INTS4: variants seen among roughly 807,000 people sequenced by gnomAD.
INTS4 encodes MSTP093.
INTS4 carries 70 observed loss-of-function variants against 119.5 expected under a neutral mutation model. The ratio of observed to expected loss-of-function variants is 0.59; its 90% CI spans 0.48 to 0.71. INTS4 has a LOEUF of 0.71. INTS4 is among the 30% of genes least tolerant of loss of function. The pLI, the probability that INTS4 is intolerant of heterozygous loss-of-function variation, is 0.00. For synonymous variants in INTS4, 316 were observed against 419.6 expected (o/e 0.75, Z 3.02); for missense variants, 867 against 1,173.2 (o/e 0.74, Z 3.81).
intron 15 of INTS4, among the ~76,000 whole-genome samples, chr11:77,917,495 G>A (rs977824360): frequency 2.0e-5 from 3 of 151,464 alleles, no homozygotes; most frequent in Non-Finnish European, 4.4e-5. Flanking sequence ...TGTATTTTTA[G>A]TAGAGATGGG....
At chr11:77,982,300 T>C (rs1398074057) in intron 2 of INTS4, among the ~76,000 whole-genome samples, 3 of 152,066 alleles carry the variant, frequency 2.0e-5, no homozygotes, top group Non-Finnish European at 4.4e-5. Flanking sequence ...CACACCTGGC[T>C]ACTTTTTTTT....
chr11:77,916,547 G>A (rs2136469545), intron 15 of INTS4, among the ~76,000 whole-genome samples: 1 of 152,298 alleles, frequency 6.6e-6, no homozygotes. Context: ...TAGCTCAGAC[G>A]TTAAACAAAA....
intron 12 of INTS4, among the ~76,000 whole-genome samples, chr11:77,923,058 G>A (rs1953401734): frequency 6.6e-6 from 1 of 152,148 alleles, no homozygotes; most frequent in Non-Finnish European, 1.5e-5. Context: ...GGTGGCTCAC[G>A]CCTATAATCC....
chr11:77,924,520 C>T (rs1953447396), intron 12 of INTS4: 1 of 488,014 alleles, frequency 2.0e-6, no homozygotes, highest in South Asian at 3.3e-5. Context: ...ACAGCAGGCA[C>T]ATAATATTTG....
chr11:77,899,102 G>C (rs777478076), intron 18 of INTS4, among the ~76,000 whole-genome samples: 1 of 152,110 alleles, frequency 6.6e-6, no homozygotes, highest in African/African-American at 2.4e-5. Flanking sequence ...GGAAGAGATA[G>C]GTACTACTAT....
chr11:77,874,758 C>T (rs928282793), downstream of INTS4, among the ~76,000 whole-genome samples: 2 of 152,086 alleles, frequency 1.3e-5, no homozygotes, highest in African/African-American at 2.4e-5. Context: ...AGAAGTTGGC[C>T]GGGTGCGGTG....
At position 77,891,795 on chromosome 11, in the gene INTS4, G is replaced by C; in HGVS notation, c.2334C>G (p.Asp778Glu). Residue 778 changes from aspartate (D) to glutamate (E), a missense_variant, in exon 20 of 23, where the codon GAC becomes GAG. Physicochemically the swap from Asp to Glu is conservative, Grantham distance 45. Around this residue, in one of 5 missense-constraint regions of INTS4, gnomAD observed 262 missense variants for 376.0 expected, o/e 0.70. Coordinates refer to ENST00000534064, the MANE Select transcript of INTS4 (RefSeq NM_033547.4). ...GTCGGGGCATAAGGTCAAGGAGTTT[G>C]TCCACAAAGCTGTCCTGCAAGTGGG... ...DLPHLQDSFV[D>E]KLLDLMPRLM... 6.2e-7 allele frequency: 1 copy of C among 1,611,924 alleles called. No homozygotes were observed. The highest frequency in any genetic ancestry group is 8.5e-7 in the Non-Finnish European group (1 of 1,179,814).
At chr11:77,990,744 T>C (rs1297898961) in intron 2 of INTS4, among the ~76,000 whole-genome samples, 2 of 150,502 alleles carry the variant, frequency 1.3e-5, no homozygotes, top group African/African-American at 2.4e-5. Context: ...TGCAATTAGA[T>C]ATGAGGGCCA....
chr11:77,881,912 T>G (rs945305642), intron 22 of INTS4, among the ~76,000 whole-genome samples: 3 of 138,426 alleles, frequency 2.2e-5, no homozygotes, highest in Non-Finnish European at 4.6e-5. Flanking sequence ...TTTCTGATGG[T>G]TTTTTTTTTT....
intron 10 of INTS4, among the ~76,000 whole-genome samples, chr11:77,931,186 AGCT>A (rs898676413): frequency 2.0e-5 from 3 of 152,228 alleles, no homozygotes; most frequent in African/African-American, 7.2e-5. Flanking sequence ...TAACTAAAAG[AGCT>A]GCTAAGCCAA....
At chr11:77,958,192 G>A (rs1740606528) in intron 7 of INTS4, among the ~76,000 whole-genome samples, 1 of 150,092 alleles carries the variant, frequency 6.7e-6, no homozygotes. Flanking sequence ...CCTATACAAG[G>A]AAAAATAAAA....
intron 15 of INTS4, among the ~76,000 whole-genome samples, chr11:77,910,153 T>C (rs1451287154): frequency 1.3e-5 from 2 of 152,202 alleles, no homozygotes; most frequent in Non-Finnish European, 2.9e-5. Flanking sequence ...CATATGTTTA[T>C]TGTGGCACTA....
At chr11:77,965,356 T>C (rs182631629) in intron 4 of INTS4, among the ~76,000 whole-genome samples, 2 of 152,268 alleles carry the variant, frequency 1.3e-5, no homozygotes, top group Admixed American at 1.3e-4. Flanking sequence ...CTCCCTACTC[T>C]TAGTTATTTT....
At chr11:77,895,315 C>T (rs1952462256) in intron 18 of INTS4, among the ~76,000 whole-genome samples, 1 of 151,698 alleles carries the variant, frequency 6.6e-6, no homozygotes, top group South Asian at 2.1e-4. Flanking sequence ...AATACTCTTT[C>T]CTTATGTAAA....
chr11:77,904,846 T>G (rs1952894327), intron 16 of INTS4, among the ~76,000 whole-genome samples: 1 of 152,176 alleles, frequency 6.6e-6, no homozygotes, highest in Admixed American at 6.5e-5. Context: ...TCATGTTAGT[T>G]GTATCATGTT....
intron 5 of INTS4, 132 bp from the exon 6 acceptor site, chr11:77,960,523 T>C (rs1954442450): frequency 6.8e-6 from 4 of 585,826 alleles, no homozygotes; most frequent in African/African-American, 1.9e-5. Flanking sequence ...ATTAGTGCTA[T>C]ATAAATAAGA....
intron 4 of INTS4, among the ~76,000 whole-genome samples, chr11:77,975,484 T>C (rs1235506743): frequency 6.6e-6 from 1 of 151,746 alleles, no homozygotes; most frequent in African/African-American, 2.4e-5. Flanking sequence ...ATAAATTATA[T>C]CTCAATTACA....
At chr11:77,904,382 T>C (rs57055061) in intron 16 of INTS4, among the ~76,000 whole-genome samples, 23,490 of 152,260 alleles carry the variant, frequency 0.15, 2,141 homozygotes, top group Middle Eastern at 0.21. Flanking sequence ...AATTTTAAGA[T>C]ACAAAGACTA....
downstream of INTS4, among the ~76,000 whole-genome samples, chr11:77,877,473 A>G (rs1951630572): frequency 6.6e-6 from 1 of 152,126 alleles, no homozygotes; most frequent in African/African-American, 2.4e-5. Context: ...CTACTCAACC[A>G]CTGTTGAGGT....
Sources: allele counts gnomAD v4.1 joint callset (sites outside exome capture counted in the v4.1 genomes callset), GRCh38; gene constraint gnomAD v4.1.1; regional missense constraint gnomAD v4.1.1; transcripts MANE v1.5; gene names NCBI Gene and HGNC (gene_info 2026-07-23, HGNC 2026-07-21).